The following SLC49A4 variants were observed in gnomAD, a reference collection of about 807,000 sequenced individuals.
The protein encoded by SLC49A4 is solute carrier family 49 member 4.
In SLC49A4, 36 loss-of-function variants were observed where a neutral mutation model predicts 50.6. The observed-to-expected ratio is 0.71, with a 90% CI of 0.55 to 0.94. The LOEUF (loss-of-function observed/expected upper bound fraction) is 0.94, where lower values mean the gene tolerates loss of function less well. SLC49A4 is among the 40% of genes least tolerant of loss of function. The pLI is 0.00. For missense variants in SLC49A4, 503 were observed against 605.7 expected (o/e 0.83, Z 1.78); for synonymous variants, 248 against 241.2 (o/e 1.03, Z -0.26).
At chr3:122,815,322 C>T (rs1490034382) in intron 2 of SLC49A4, among the ~76,000 whole-genome samples, 1 of 152,144 alleles carries the variant, frequency 6.6e-6, no homozygotes, top group Admixed American at 6.5e-5. Flanking sequence ...CTCCTGGCCT[C>T]AAGTAATCTG....
chr3:122,858,152 C>A (rs572447685), intron 6 of SLC49A4, among the ~76,000 whole-genome samples: 6 of 152,298 alleles, frequency 3.9e-5, no homozygotes, highest in African/African-American at 1.4e-4. Flanking sequence ...TAATTAAAGA[C>A]CACTATTAAA....
Position 122,803,546 on chromosome 3 carries a change from GT to G in SLC49A4, c.344-3310del, listed in dbSNP as rs147663853. Among the ~76,000 whole-genome samples, 310 of 152,342 alleles carry G rather than the reference GT, an allele frequency of 2.0e-3. 1 individual carries two copies. Among genetic ancestry groups the G allele is most frequent in the African/African-American group, 6.8e-3 (283 of 41,590 alleles). On this transcript the variant is annotated intron_variant, in intron 1 of 8. Coordinates refer to ENST00000261038, the MANE Select transcript of SLC49A4 (RefSeq NM_032839.3). ...CTGACAATCTCCAAGGCAGATTGGGGTGACAAGGCTGTGAGGGTTATGAGCA... is the reference window on the plus strand; with the variant it reads ...CTGACAATCTCCAAGGCAGATTGGGGGACAAGGCTGTGAGGGTTATGAGCA...
chr3:122,862,152 A>G (rs888055106), intron 7 of SLC49A4, among the ~76,000 whole-genome samples: 2 of 152,180 alleles, frequency 1.3e-5, no homozygotes, highest in African/African-American at 2.4e-5. Context: ...AAATAAAAAT[A>G]TATTTCTTTC....
intron 4 of SLC49A4, among the ~76,000 whole-genome samples, chr3:122,833,939 G>A (rs1366443897): frequency 1.3e-5 from 2 of 152,050 alleles, no homozygotes; most frequent in African/African-American, 2.4e-5. Context: ...CGAGCAGTAG[G>A]ATCATACTTT....
chr3:122,874,335 G>T (rs1937235239), intron 8 of SLC49A4, among the ~76,000 whole-genome samples: 1 of 152,230 alleles, frequency 6.6e-6, no homozygotes, highest in Non-Finnish European at 1.5e-5. Context: ...ACGTCAGTCA[G>T]TGCTCATTCC....
chr3:122,867,873 T>G (rs1937139546), intron 7 of SLC49A4, among the ~76,000 whole-genome samples: 2 of 151,842 alleles, frequency 1.3e-5, no homozygotes, highest in African/African-American at 4.8e-5. Context: ...CCCAGCACTT[T>G]GGGAGGCCAA....
At chr3:122,848,814 G>A (rs1936889434) in intron 5 of SLC49A4, among the ~76,000 whole-genome samples, 1 of 151,922 alleles carries the variant, frequency 6.6e-6, no homozygotes, top group African/African-American at 2.4e-5. Flanking sequence ...CTTTGTGTTG[G>A]GAACTTACAA....
rs72968346 is a variant in SLC49A4, at chr3:122,835,852, A to G, written c.833+2406A>G. On this transcript the variant is annotated intron_variant, in intron 4 of 8. Coordinates refer to ENST00000261038, the MANE Select transcript of SLC49A4 (RefSeq NM_032839.3). ...AATGATATGATCATATACCTAAAAA[A>G]CCCTAAAGACTCTTCCAAAAGACTC... Among the ~76,000 whole-genome samples the G allele has an allele frequency of 8.5e-3, 1,292 of 152,166 alleles. 16 individuals carry two copies. Among genetic ancestry groups the G allele is most frequent in the African/African-American group, 0.029 (1,202 of 41,512 alleles).
intron 2 of SLC49A4, among the ~76,000 whole-genome samples, chr3:122,817,298 G>C (rs1936382878): frequency 6.6e-6 from 1 of 152,080 alleles, no homozygotes; most frequent in African/African-American, 2.4e-5. Context: ...GAGGAAGAGG[G>C]CCCTGAGCCA....
chr3:122,806,721 T>C (rs75258161), intron 1 of SLC49A4, 136 bp from the exon 2 acceptor site: 4 of 599,856 alleles, frequency 6.7e-6, no homozygotes, highest in East Asian at 6.5e-5. Flanking sequence ...TTTTTTTTTT[T>C]CCATTTTTAA....
intron 4 of SLC49A4, among the ~76,000 whole-genome samples, chr3:122,841,519 A>C (rs918193280): frequency 6.6e-6 from 1 of 152,254 alleles, no homozygotes; most frequent in African/African-American, 2.4e-5. Context: ...CAGCTGTTAA[A>C]GTAAAATGTA....
At chr3:122,854,954 G>A (rs551661807) in intron 5 of SLC49A4, among the ~76,000 whole-genome samples, 35 of 152,222 alleles carry the variant, frequency 2.3e-4, no homozygotes, top group African/African-American at 6.0e-4. Context: ...TTAGCCGGGC[G>A]TGGTGGCGGG....
chr3:122,845,708 G>T, intron 4 of SLC49A4, 55 bp from the exon 5 acceptor site: 2 of 925,786 alleles, frequency 2.2e-6, no homozygotes, highest in Non-Finnish European at 2.9e-6. Flanking sequence ...TCATGACTAA[G>T]TTTATTCTAG....
Position 122,856,390 on chromosome 3 carries a change from T to C in SLC49A4, c.1010+16T>C, listed in dbSNP as rs1355326582. ...CTATGGCAAGGTGAGAATATTTTGT[T>C]AAACTTGTGAGTGGACAGAGCAGGG... On this transcript the variant is annotated intron_variant, in intron 6 of 8. Transcript: ENST00000261038. 12 of 1,612,856 alleles carry C rather than the reference T, an allele frequency of 7.4e-6. No homozygotes were observed. The highest frequency in any genetic ancestry group is 1.0e-5 in the Non-Finnish European group (12 of 1,178,958).
intron 5 of SLC49A4, among the ~76,000 whole-genome samples, chr3:122,855,234 C>T (rs942509467): frequency 7.9e-5 from 12 of 152,110 alleles, no homozygotes; most frequent in Admixed American, 1.3e-4. Context: ...TAACTATTTC[C>T]GAGCAGGGAC....
chr3:122,842,083 G>C (rs1560219625), intron 4 of SLC49A4, among the ~76,000 whole-genome samples: 1 of 152,298 alleles, frequency 6.6e-6, no homozygotes, highest in East Asian at 1.9e-4. Flanking sequence ...TAGCAATAGA[G>C]AAAGGTAGAG....
intron 1 of SLC49A4, among the ~76,000 whole-genome samples, chr3:122,804,543 A>G (rs1273355384): frequency 6.6e-6 from 1 of 152,264 alleles, no homozygotes; most frequent in East Asian, 1.9e-4. Flanking sequence ...ACATGAGGAA[A>G]GCATTTTATT....
intron 8 of SLC49A4, among the ~76,000 whole-genome samples, chr3:122,873,038 G>A (rs1937216388): frequency 6.6e-6 from 1 of 152,180 alleles, no homozygotes; most frequent in Non-Finnish European, 1.5e-5. Context: ...CCTGAGGGAT[G>A]AATGACAGGA....
intron 7 of SLC49A4, among the ~76,000 whole-genome samples, chr3:122,863,856 C>G (rs370293185): frequency 3.3e-5 from 5 of 151,970 alleles, no homozygotes; most frequent in African/African-American, 1.2e-4. Context: ...TTTGTTCAAC[C>G]CATGTGTTAT....
Sources: allele counts gnomAD v4.1 joint callset (sites outside exome capture counted in the v4.1 genomes callset), GRCh38; gene constraint gnomAD v4.1.1; transcripts MANE v1.5; gene names NCBI Gene and HGNC (gene_info 2026-07-23, HGNC 2026-07-21).